SCN9A: variants seen among roughly 807,000 people sequenced by gnomAD.
SCN9A encodes sodium channel protein type 9 subunit alpha.
In SCN9A, 131 loss-of-function variants were observed where a neutral mutation model predicts 187.0. The observed-to-expected ratio is 0.70, with a 90% confidence interval of 0.61 to 0.81. The LOEUF (loss-of-function observed/expected upper bound fraction) is 0.81. SCN9A is among the 30% of genes least tolerant of loss of function. SCN9A has a pLI of 0.00. For missense variants in SCN9A, 2,252 were observed against 2,396.6 expected, an observed-to-expected ratio of 0.94 and a Z score of 1.26; for synonymous variants, 809 against 808.6, an observed-to-expected ratio of 1.00 and a Z score of -0.01.
intron 1 of SCN9A, among the ~76,000 whole-genome samples, chr2:166,313,874 C>T (rs756189754): frequency 1.3e-5 from 2 of 152,234 alleles, no homozygotes; most frequent in East Asian, 1.9e-4. Flanking sequence ...ATGCGCAATT[C>T]TTCCTTTACT....
At chr2:166,343,738 A>C (rs1425931184) in intron 1 of SCN9A, among the ~76,000 whole-genome samples, 2 of 152,120 alleles carry the variant, frequency 1.3e-5, no homozygotes, top group Admixed American at 1.3e-4. Context: ...TGGAGGTTGC[A>C]GTGAACTGTG....
chr2:166,330,983 G>T (rs1267305363), intron 1 of SCN9A, among the ~76,000 whole-genome samples: 1 of 152,006 alleles, frequency 6.6e-6, no homozygotes, highest in South Asian at 2.1e-4. Context: ...TATACAACTG[G>T]GGGAGGAGGT....
intron 16 of SCN9A, among the ~76,000 whole-genome samples, chr2:166,273,266 T>C (rs939027344): frequency 2.0e-5 from 3 of 152,194 alleles, no homozygotes; most frequent in African/African-American, 7.2e-5. Flanking sequence ...TTACTCTTTA[T>C]TACCTGTGAG....
chr2:166,234,992 T>A (rs1356018372), intron 20 of SCN9A, among the ~76,000 whole-genome samples: 1 of 152,136 alleles, frequency 6.6e-6, no homozygotes, highest in African/African-American at 2.4e-5. Flanking sequence ...TGAACACCCC[T>A]CGCCATGTGA....
chr2:166,341,733 T>A (rs899725482), intron 1 of SCN9A, among the ~76,000 whole-genome samples: 2 of 152,198 alleles, frequency 1.3e-5, no homozygotes, highest in Non-Finnish European at 2.9e-5. Flanking sequence ...ATATTACTTT[T>A]GCTATGACAC....
intron 24 of SCN9A, among the ~76,000 whole-genome samples, chr2:166,215,854 C>CA (rs1289447527): frequency 2.7e-5 from 4 of 150,330 alleles, no homozygotes; most frequent in South Asian, 4.2e-4. Flanking sequence ...CAAATTCTTC[C>CA]AAAAAATTGA....
At chr2:166,367,633 C>T (rs1434709294) in intron 1 of SCN9A, among the ~76,000 whole-genome samples, 1 of 152,130 alleles carries the variant, frequency 6.6e-6, no homozygotes, top group East Asian at 1.9e-4. Flanking sequence ...TCTTTTCTAC[C>T]TTGGGGAAGG....
intron 1 of SCN9A, among the ~76,000 whole-genome samples, chr2:166,340,536 CTTTCCCTT>C (rs1699743541): frequency 2.1e-5 from 2 of 95,022 alleles, no homozygotes; most frequent in African/African-American, 5.3e-5. Context: ...CCTTTCTTTT[CTTTCCCTT>C]TCTTTCTTTC....
chr2:166,354,202 CA>C (rs1700101638), intron 1 of SCN9A, among the ~76,000 whole-genome samples: 1 of 151,992 alleles, frequency 6.6e-6, no homozygotes, highest in African/African-American at 2.4e-5. Flanking sequence ...AAAATTAAAA[CA>C]TTGAAAAACA....
chr2:166,307,106 G>T, intron 2 of SCN9A, 32 bp from the exon 3 acceptor site: 1 of 1,259,710 alleles, frequency 7.9e-7, no homozygotes, highest in South Asian at 1.2e-5. Context: ...ATGAAATTGA[G>T]AATCCAAAAT....
chr2:166,373,775 A>C (rs191920350), intron 1 of SCN9A, among the ~76,000 whole-genome samples: 2 of 152,334 alleles, frequency 1.3e-5, no homozygotes, highest in African/African-American at 4.8e-5. Flanking sequence ...AATAAACTTT[A>C]AGCTCTTTTA....
intron 1 of SCN9A, among the ~76,000 whole-genome samples, chr2:166,327,816 T>G (rs1032650601): frequency 6.6e-5 from 10 of 152,212 alleles, no homozygotes; most frequent in African/African-American, 2.4e-4. Flanking sequence ...GCCATTTCAC[T>G]AAAAGACTAG....
chr2:166,267,148 C>G (rs554820402), intron 17 of SCN9A, among the ~76,000 whole-genome samples: 64 of 152,050 alleles, frequency 4.2e-4, no homozygotes, highest in African/African-American at 1.4e-3. Context: ...GGAGAGAAAG[C>G]TTTCAGCTCT....
At chr2:166,215,658 G>T (rs1186493173) in intron 24 of SCN9A, among the ~76,000 whole-genome samples, 2 of 150,714 alleles carry the variant, frequency 1.3e-5, no homozygotes, top group Non-Finnish European at 2.9e-5. Context: ...GAATAACCTA[G>T]AAGGAATGAA....
chr2:166,309,440 T>A (rs1212571367), intron 2 of SCN9A, among the ~76,000 whole-genome samples: 2 of 152,186 alleles, frequency 1.3e-5, no homozygotes, highest in Non-Finnish European at 2.9e-5. Flanking sequence ...AATGTTATGC[T>A]AAACAATTAT....
intron 1 of SCN9A, among the ~76,000 whole-genome samples, chr2:166,375,485 A>G (rs1291504761): frequency 6.6e-6 from 1 of 152,188 alleles, no homozygotes; most frequent in East Asian, 1.9e-4. Flanking sequence ...AGCTATCGAA[A>G]TAACTACGCT....
intron 1 of SCN9A, among the ~76,000 whole-genome samples, chr2:166,322,589 C>T (rs142150794): frequency 8.5e-4 from 130 of 152,198 alleles, no homozygotes; most frequent in African/African-American, 2.9e-3. Flanking sequence ...ATTCATGGAG[C>T]TCATAAGATT....
chr2:166,353,009 GT>G (rs10638743), intron 1 of SCN9A, among the ~76,000 whole-genome samples: 1,797 of 148,062 alleles, frequency 0.012, 16 homozygotes, highest in African/African-American at 0.029. Flanking sequence ...CATTGTATCT[GT>G]TTTTTTTTTA....
chr2:166,370,254 AG>A (rs1275749080), intron 1 of SCN9A, among the ~76,000 whole-genome samples: 1 of 150,028 alleles, frequency 6.7e-6, no homozygotes, highest in Non-Finnish European at 1.5e-5. Context: ...CATCATCATT[AG>A]ATAATGGGCT....
Sources: allele counts gnomAD v4.1 joint callset (sites outside exome capture counted in the v4.1 genomes callset), GRCh38; gene constraint gnomAD v4.1.1; transcripts MANE v1.5; gene names NCBI Gene and HGNC (gene_info 2026-07-23, HGNC 2026-07-21).